The following VPS50 variants were observed in gnomAD, a reference collection of about 807,000 sequenced individuals.
The protein encoded by VPS50 is VPS50 subunit of EARP/GARPII complex.
A neutral mutation model predicts 139.7 loss-of-function variants in VPS50; 70 were observed. The ratio of observed to expected loss-of-function variants is 0.50; its 90% CI spans 0.41 to 0.61. The LOEUF (loss-of-function observed/expected upper bound fraction) is 0.61, where lower values mean the gene tolerates loss of function less well. VPS50 is among the 20% of genes least tolerant of loss of function. The pLI is 0.00. For synonymous variants in VPS50, 365 were observed against 376.7 expected (o/e 0.97, Z 0.36); for missense variants, 921 against 1,133.7 (o/e 0.81, Z 2.69).
chr7:93,233,700 C>T (rs116102465), intron 1 of VPS50, among the ~76,000 whole-genome samples: 73 of 152,274 alleles, frequency 4.8e-4, no homozygotes, highest in African/African-American at 1.7e-3. Context: ...TGGTGTTGTG[C>T]GTCCTACTAC....
At chr7:93,286,377 C>T (rs890364288) in intron 12 of VPS50, among the ~76,000 whole-genome samples, 1 of 152,060 alleles carries the variant, frequency 6.6e-6, no homozygotes, top group Non-Finnish European at 1.5e-5. Flanking sequence ...AATGAGTCTC[C>T]CCTTCACCTG....
At chr7:93,357,246 C>T (rs117188698) in intron 27 of VPS50, among the ~76,000 whole-genome samples, 1 of 152,116 alleles carries the variant, frequency 6.6e-6, no homozygotes, top group Non-Finnish European at 1.5e-5. Flanking sequence ...CAGCTCTATT[C>T]GATGCAAGAA....
At chr7:93,295,917 G>A (rs1287441129) in intron 14 of VPS50, among the ~76,000 whole-genome samples, 1 of 151,954 alleles carries the variant, frequency 6.6e-6, no homozygotes, top group South Asian at 2.1e-4. Flanking sequence ...GTGGATATGG[G>A]GTCTTGCTAT....
Position 93,334,117 on chromosome 7 carries a change from T to G in VPS50, c.1978T>G (p.Leu660Val), listed in dbSNP as rs1194460356. ...TATAACAAGCCTTTTTCTTTTTCAG[T>G]TGGAATCAACTGGACTCGGCCTTAG... is the stretch of plus-strand genomic sequence containing the variant. The part of the protein sequence containing the change: ...IYTFFGRNDS[L>V]ESTGLGLSSS... Residue 660 changes from leucine to valine, a missense_variant and splice_region_variant, in exon 22 of 28, where the codon TTG becomes GTG. Coordinates refer to ENST00000305866, the MANE Select transcript of VPS50 (RefSeq NM_017667.4). The G allele has an allele frequency of 1.3e-6, 2 of 1,562,360 alleles. No individual in the cohort carries two copies. Among genetic ancestry groups the G allele is most frequent in the South Asian group, 2.3e-5 (2 of 87,370 alleles).
In VPS50 at chr7:93,259,738, TC is replaced by T. The variant is rs1293666418; in HGVS notation, c.659+107del. ...TGAAAATTAGTATAAAGTGTTGTGT[TC>T]TAGTTTAACATTCATATTTATATAT... On this transcript the variant is annotated intron_variant, in intron 9 of 27. Coordinates refer to ENST00000305866, the MANE Select transcript of VPS50 (RefSeq NM_017667.4). The T allele has an allele frequency of 1.5e-5, 9 of 584,116 alleles. No homozygotes were observed. The African/African-American group carries it at 1.7e-4, about 11-fold the overall frequency. 36.2% of individuals were successfully genotyped at this position (584,116 alleles called of 1,614,324 possible). A position where few individuals can be genotyped will look rare whatever the true frequency, so the allele number is the denominator to read the frequency against.
intron 12 of VPS50, among the ~76,000 whole-genome samples, chr7:93,278,576 G>A (rs1348316603): frequency 1.8e-4 from 23 of 128,696 alleles, no homozygotes; most frequent in Non-Finnish European, 4.6e-5. Flanking sequence ...CAGCCTGGGC[G>A]ACAGACTCTG....
intron 16 of VPS50, among the ~76,000 whole-genome samples, chr7:93,301,617 CT>C (rs1796978191): frequency 1.3e-5 from 2 of 152,154 alleles, no homozygotes; most frequent in African/African-American, 2.4e-5. Context: ...AGATTATCCC[CT>C]AGGGCCTCCA....
intron 23 of VPS50, among the ~76,000 whole-genome samples, chr7:93,344,059 A>G (rs1197080795): frequency 2.6e-5 from 4 of 152,300 alleles, no homozygotes; most frequent in Non-Finnish European, 4.4e-5. Flanking sequence ...GTCAAGACCC[A>G]TCAGTGTGCT....
intron 5 of VPS50, 152 bp downstream of exon 5, chr7:93,256,714 T>C (rs1795493975): frequency 2.1e-6 from 1 of 483,332 alleles, no homozygotes; most frequent in Admixed American, 4.4e-5. Flanking sequence ...TATGTATGTA[T>C]ATTTTTCTTT....
chr7:93,261,060 T>G (rs1795655655), intron 9 of VPS50, among the ~76,000 whole-genome samples: 1 of 152,236 alleles, frequency 6.6e-6, no homozygotes, highest in African/African-American at 2.4e-5. Context: ...CATTTACACT[T>G]ATTAGGTTAA....
At chr7:93,236,735 T>C (rs1042997660) in intron 1 of VPS50, among the ~76,000 whole-genome samples, 2 of 152,128 alleles carry the variant, frequency 1.3e-5, no homozygotes, top group Admixed American at 1.3e-4. Context: ...ACTGATAAAG[T>C]GTTAAAAATC....
chr7:93,317,641 C>G (rs184689429), intron 20 of VPS50, among the ~76,000 whole-genome samples: 2 of 152,180 alleles, frequency 1.3e-5, no homozygotes, highest in African/African-American at 4.8e-5. Context: ...AACCTGAAAA[C>G]GGGCACCTTT....
intron 20 of VPS50, among the ~76,000 whole-genome samples, chr7:93,321,652 C>G (rs1481589863): frequency 6.6e-6 from 1 of 152,136 alleles, no homozygotes; most frequent in African/African-American, 2.4e-5. Context: ...TGAGGAACAG[C>G]TATTTTTTTC....
At chr7:93,295,991 G>A (rs1012807783) in intron 14 of VPS50, among the ~76,000 whole-genome samples, 3 of 152,094 alleles carry the variant, frequency 2.0e-5, no homozygotes, top group Non-Finnish European at 4.4e-5. Context: ...CTCCCAAAGT[G>A]CTGGGATTAC....
chr7:93,294,354 G>A (rs1024834693), intron 13 of VPS50, among the ~76,000 whole-genome samples, 191 bp from the exon 14 acceptor site: 5 of 151,968 alleles, frequency 3.3e-5, no homozygotes, highest in South Asian at 2.1e-4. Flanking sequence ...CATAGTCTAC[G>A]TTTATTTGTC....
At chr7:93,244,260 C>G (rs1795085045) in intron 2 of VPS50, among the ~76,000 whole-genome samples, 1 of 151,838 alleles carries the variant, frequency 6.6e-6, no homozygotes, top group Non-Finnish European at 1.5e-5. Context: ...GGAATTTGAG[C>G]AGAATGTTTT....
At chr7:93,344,513 A>G (rs1798329102) in intron 23 of VPS50, among the ~76,000 whole-genome samples, 1 of 152,224 alleles carries the variant, frequency 6.6e-6, no homozygotes. Flanking sequence ...TCCACCACAA[A>G]TCAACAGAAC....
At chr7:93,269,105 ATTTGT>A (rs1365381927) in intron 9 of VPS50, among the ~76,000 whole-genome samples, 1 of 151,884 alleles carries the variant, frequency 6.6e-6, no homozygotes, top group African/African-American at 2.4e-5. Flanking sequence ...GAAGATACTG[ATTTGT>A]TTTGTTTTGC....
At chr7:93,240,243 ACACACACT>A (rs1413934047) in intron 2 of VPS50, among the ~76,000 whole-genome samples, 17 of 146,208 alleles carry the variant, frequency 1.2e-4, no homozygotes, top group Non-Finnish European at 1.6e-4. Context: ...ACACACACAC[ACACACACT>A]CTCTCTCTCT....
Sources: gnomAD v4.1 joint callset for allele counts (sites outside exome capture counted in the v4.1 genomes callset) on GRCh38, gnomAD v4.1.1 for gene constraint, MANE v1.5 for transcripts, NCBI Gene and HGNC (gene_info 2026-07-23, HGNC 2026-07-21) for gene names.